ELP3: variants seen among roughly 807,000 people sequenced by gnomAD.
ELP3 encodes the protein elongator complex protein 3.
A neutral mutation model predicts 74.9 loss-of-function variants in ELP3; 56 were observed. The observed-to-expected ratio is 0.75, with a 90% CI of 0.60 to 0.93. The LOEUF (loss-of-function observed/expected upper bound fraction) is 0.93, where lower values mean the gene tolerates loss of function less well. Ranked by LOEUF, ELP3 falls within the 40% of genes least tolerant of loss-of-function variation. The probability of loss-of-function intolerance (pLI) is 0.00; values close to 1 mark genes in which losing one functional copy is unlikely to be tolerated. For synonymous variants in ELP3, 222 were observed against 239.8 expected, an observed-to-expected ratio of 0.93 and a Z score of 0.68; for missense variants, 573 against 686.5, an observed-to-expected ratio of 0.83 and a Z score of 1.85.
chr8:28,114,487 T>A (rs944623471), intron 7 of ELP3, among the ~76,000 whole-genome samples: 1 of 152,052 alleles, frequency 6.6e-6, no homozygotes, highest in African/African-American at 2.4e-5. Flanking sequence ...GGGGAGCCAG[T>A]ACATCACATG....
At chr8:28,189,599 T>C in intron 14 of ELP3, 50 bp from the exon 15 acceptor site, 1 of 1,597,624 alleles carries the variant, frequency 6.3e-7, no homozygotes, top group Non-Finnish European at 8.6e-7. Flanking sequence ...TGCCGACTTT[T>C]GAGAATTGCT....
intron 7 of ELP3, among the ~76,000 whole-genome samples, chr8:28,127,148 G>A (rs563904975): frequency 2.0e-5 from 3 of 152,142 alleles, no homozygotes; most frequent in African/African-American, 4.8e-5. Flanking sequence ...GTTTCCTTCT[G>A]TGGCCTGTAC....
At chr8:28,161,637 G>A (rs1814095593) in intron 13 of ELP3, among the ~76,000 whole-genome samples, 1 of 151,058 alleles carries the variant, frequency 6.6e-6, no homozygotes, top group Non-Finnish European at 1.5e-5. Flanking sequence ...AAAGTAGAGA[G>A]GTGACTAAGA....
chr8:28,112,848 C>G (rs1392352071), intron 6 of ELP3, 171 bp from the exon 7 acceptor site: 2 of 456,426 alleles, frequency 4.4e-6, no homozygotes, highest in African/African-American at 4.1e-5. Flanking sequence ...TCACTTTTTT[C>G]TTTCAGACTT....
chr8:28,100,784 G>A (rs911521213), intron 3 of ELP3, among the ~76,000 whole-genome samples: 1 of 152,214 alleles, frequency 6.6e-6, no homozygotes, highest in South Asian at 2.1e-4. Flanking sequence ...ATGTCAGTAT[G>A]CAGTGTTAAG....
chr8:28,178,475 A>G (rs1585753895), intron 14 of ELP3, among the ~76,000 whole-genome samples: 1 of 152,200 alleles, frequency 6.6e-6, no homozygotes, highest in African/African-American at 2.4e-5. Flanking sequence ...TTTGCTCAAC[A>G]TTGCTGTAAG....
chr8:28,148,960 G>A (rs1813537959), intron 10 of ELP3, among the ~76,000 whole-genome samples: 1 of 152,188 alleles, frequency 6.6e-6, no homozygotes, highest in African/African-American at 2.4e-5. Context: ...ATAAGGCAGA[G>A]CCCTCATGAA....
chr8:28,162,463 A>T (rs2130556894), intron 14 of ELP3, among the ~76,000 whole-genome samples: 1 of 152,340 alleles, frequency 6.6e-6, no homozygotes, highest in East Asian at 1.9e-4. Context: ...AGAAATTAAA[A>T]TAGAACCTCA....
chr8:28,153,221 A>T (rs1468243298), intron 10 of ELP3, among the ~76,000 whole-genome samples: 2 of 152,202 alleles, frequency 1.3e-5, no homozygotes, highest in African/African-American at 2.4e-5. Context: ...CAGAGAACTT[A>T]AAGTACCAAA....
intron 1 of ELP3, chr8:28,093,663 A>G (rs1811137103): frequency 5.5e-6 from 1 of 180,212 alleles, no homozygotes; most frequent in African/African-American, 2.4e-5. Context: ...AGAGTTGTGC[A>G]TGCAATTATT....
intron 10 of ELP3, among the ~76,000 whole-genome samples, chr8:28,151,102 C>T (rs1813625978): frequency 6.6e-6 from 1 of 152,194 alleles, no homozygotes; most frequent in Non-Finnish European, 1.5e-5. Flanking sequence ...AATTGTCCCA[C>T]AGTTCTTGGA....
intron 14 of ELP3, among the ~76,000 whole-genome samples, chr8:28,175,342 T>C (rs1351575416): frequency 1.3e-5 from 2 of 152,180 alleles, no homozygotes; most frequent in African/African-American, 4.8e-5. Context: ...CTCCTCAGAC[T>C]AGATAAATTC....
intron 5 of ELP3, among the ~76,000 whole-genome samples, chr8:28,108,457 C>CTTT (rs33948469): frequency 6.6e-4 from 78 of 117,544 alleles, no homozygotes; most frequent in Admixed American, 1.0e-3. Flanking sequence ...ATTTTTTTTT[C>CTTT]TTTTTTTTTT....
intron 6 of ELP3, among the ~76,000 whole-genome samples, chr8:28,111,704 C>T (rs577070980): frequency 6.6e-6 from 1 of 152,256 alleles, no homozygotes; most frequent in East Asian, 1.9e-4. Flanking sequence ...AACTATTGAG[C>T]ATGAAATGCT....
In ELP3 at chr8:28,099,908, A is replaced by G. The variant is rs758766103; in HGVS notation, c.200A>G (p.Gln67Arg). 6.2e-7 allele frequency: 1 copy of G among 1,614,196 alleles called. No individual in the cohort carries two copies. Among genetic ancestry groups the G allele is most frequent in the Non-Finnish European group, 8.5e-7 (1 of 1,180,038 alleles). ...LVDIIAAVPP[Q>R]YRKVLMPKLK... ...GATATCATTGCTGCCGTCCCTCCTCAGTATCGCAAGGTCTTGATGCCCAAG... is the reference window on the plus strand; with the variant it reads ...GATATCATTGCTGCCGTCCCTCCTCGGTATCGCAAGGTCTTGATGCCCAAG... The change falls in exon 3 of 15, where the codon CAG (glutamine) becomes CGG (arginine). Residue 67 changes from glutamine to arginine, a missense_variant. By Grantham distance (43) the Gln-to-Arg change is conservative. Transcript: ENST00000256398.
intron 1 of ELP3, among the ~76,000 whole-genome samples, chr8:28,095,722 C>CT (rs1811226172): frequency 6.6e-6 from 1 of 152,236 alleles, no homozygotes; most frequent in South Asian, 2.1e-4. Flanking sequence ...AGCTTGTTAA[C>CT]TTGCCTTAGC....
intron 4 of ELP3, 122 bp downstream of exon 4, chr8:28,106,905 T>G (rs1253300998): frequency 2.9e-6 from 2 of 678,296 alleles, no homozygotes; most frequent in Admixed American, 5.8e-5. Flanking sequence ...ATTTATAGAT[T>G]ACTCCTTTCA....
At chr8:28,137,302 A>G (rs1220222743) in intron 9 of ELP3, among the ~76,000 whole-genome samples, 3 of 152,182 alleles carry the variant, frequency 2.0e-5, no homozygotes, top group Non-Finnish European at 4.4e-5. Flanking sequence ...GACAGCTAGT[A>G]TTTGAAAGTC....
upstream of ELP3, chr8:28,090,459 A>C (rs1811021595): frequency 3.4e-6 from 1 of 290,678 alleles, no homozygotes; most frequent in Admixed American, 4.2e-5. Context: ...TCTTGTGATA[A>C]ATCCTCCATA....
Sources: allele counts gnomAD v4.1 joint callset (sites outside exome capture counted in the v4.1 genomes callset), GRCh38; gene constraint gnomAD v4.1.1; transcripts MANE v1.5; gene names NCBI Gene and HGNC (gene_info 2026-07-23, HGNC 2026-07-21).